DEF8: variants seen among roughly 807,000 people sequenced by gnomAD.
The protein encoded by DEF8 is DEF-8.
Under a neutral mutation model 59.1 loss-of-function variants are expected in DEF8, and 38 were observed. That is an observed-to-expected ratio of 0.64 (90% CI 0.50 to 0.84). DEF8 has a LOEUF of 0.84. Among genes scored for constraint, DEF8 ranks in the 40% least tolerant of loss-of-function variants. DEF8 has a pLI of 0.00. For synonymous variants in DEF8, 265 were observed against 250.1 expected, an observed-to-expected ratio of 1.06 and a Z score of -0.56; for missense variants, 557 against 615.2, an observed-to-expected ratio of 0.91 and a Z score of 1.00.
chr16:89,957,729 C>T (rs1466104827), intron 5 of DEF8, 69 bp downstream of exon 5: 2 of 1,450,562 alleles, frequency 1.4e-6, no homozygotes, highest in African/African-American at 2.9e-5. Context: ...CTAGGAGGAC[C>T]CTGCCAGCCT....
Position 89,954,174 on chromosome 16 carries a change from T to C in DEF8, c.-10-69T>C. 1 of 1,563,932 alleles carries C rather than the reference T, an allele frequency of 6.4e-7. No homozygotes were observed. The highest frequency in any genetic ancestry group is 1.8e-5 in the Admixed American group (1 of 56,148). On this transcript the variant is annotated intron_variant, in intron 2 of 12. Transcript: ENST00000563594. The surrounding 1 kb of genome is among the most constrained non-coding windows in gnomAD (Gnocchi z 4.3). ...CTCACCCCAGACACCCCAGTGTGGT[T>C]GGGGAAAGGGGGTGGTCCGTGGTGA...
In DEF8 at chr16:89,954,172, G is replaced by A. The variant is rs2032705736; in HGVS notation, c.-10-71G>A. 7.1e-6 allele frequency: 11 copies of A among 1,543,924 alleles called. No homozygotes were observed. Among genetic ancestry groups the A allele is most frequent in the Middle Eastern group, 2.4e-4 (1 of 4,204 alleles). On this transcript the variant is annotated intron_variant, in intron 2 of 12. Transcript: ENST00000563594. This position sits in a 1 kb window ranked among gnomAD's most constrained non-coding sequence, Gnocchi z 4.3. ...GCCTCACCCCAGACACCCCAGTGTG[G>A]TTGGGGAAAGGGGGTGGTCCGTGGT...
rs148720956 is a variant in DEF8 at position 89,954,552 on chromosome 16, C to T, written c.124+176C>T. On this transcript the variant is annotated intron_variant, in intron 3 of 12. Transcript: ENST00000563594. The surrounding 1 kb of genome is among the most constrained non-coding windows in gnomAD (Gnocchi z 4.3). ...GGTCGTGTGGTTTGTTTCTGTGTCCCCACTAGAATTCACATTCCTGAGGGC... is the reference window on the plus strand; with the variant it reads ...GGTCGTGTGGTTTGTTTCTGTGTCCTCACTAGAATTCACATTCCTGAGGGC... Among the ~76,000 whole-genome samples, 28 of 152,320 alleles carry T rather than the reference C, an allele frequency of 1.8e-4. No homozygotes were observed. In the South Asian group the frequency reaches 3.5e-3, roughly 19 times the overall value.
rs747571463 is a variant in DEF8, at chr16:89,961,024, A to T, written c.608A>T (p.Asn203Ile). 2.5e-6 allele frequency: 4 copies of T among 1,614,040 alleles called. No homozygotes were observed. The African/African-American group carries it at 5.3e-5, about 22-fold the overall frequency. The part of the protein sequence containing the change: ...KVSHQAEYEL[N>I]ICPETGLDSQ... ...AGCCACCAAGCTGAATACGAACTGA[A>T]CATCTGCCCTGAGACAGGGCTGGAC... Residue 203 changes from asparagine (N) to isoleucine (I), a missense_variant, in exon 7 of 13, where the codon AAC becomes ATC. By Grantham distance (149) the Asn-to-Ile change is moderately radical. Coordinates refer to ENST00000563594, the MANE Select transcript of DEF8 (RefSeq NM_001242818.2).
chr16:89,961,611 T>C, intron 7 of DEF8, 126 bp from the exon 8 acceptor site: 1 of 1,223,868 alleles, frequency 8.2e-7, no homozygotes, highest in Non-Finnish European at 1.2e-6. Flanking sequence ...GTCTTCCGGC[T>C]GAGGATAGGA....
At position 89,957,472 on chromosome 16, in the gene DEF8, G is replaced by A. The variant is rs773059351; in HGVS notation, c.223-39G>A. The stretch of plus-strand genomic sequence containing the variant: ...TGGGCCTTAACAGGGAGCTCCTGCA[G>A]GATGGGCCTTTGACTGCCCCCGCCC... On this transcript the variant is annotated intron_variant, in intron 4 of 12. Coordinates refer to ENST00000563594, the MANE Select transcript of DEF8 (RefSeq NM_001242818.2). 5.2e-6 allele frequency: 8 copies of A among 1,550,842 alleles called. No individual in the cohort carries two copies. The South Asian group carries it at 9.5e-5, about 18-fold the overall frequency.
intron 4 of DEF8, among the ~76,000 whole-genome samples, chr16:89,955,678 T>C (rs768997016): frequency 2.6e-5 from 4 of 152,218 alleles, no homozygotes; most frequent in African/African-American, 9.6e-5. Flanking sequence ...TGCCTCGTAC[T>C]GACCAGTCGG....
At chr16:89,955,131 G>C in intron 3 of DEF8, 38 bp from the exon 4 acceptor site, 1 of 1,518,766 alleles carries the variant, frequency 6.6e-7, no homozygotes, top group Non-Finnish European at 9.1e-7. Context: ...GCAGGAGGTA[G>C]CAGCTGACGC....
At position 89,961,868 on chromosome 16, in the gene DEF8, G is replaced by A; in HGVS notation, c.807+4G>A. ...CTGGGACTTTGAGCCTCGAAAGGTGGGGGTTGGAAGGTGGGGGCATCCCCC... is the reference window on the plus strand; with the variant it reads ...CTGGGACTTTGAGCCTCGAAAGGTGAGGGTTGGAAGGTGGGGGCATCCCCC... On this transcript the variant is annotated splice_donor_region_variant and intron_variant, in intron 8 of 12. Transcript: ENST00000563594. The A allele has an allele frequency of 2.5e-6, 4 of 1,598,702 alleles. No homozygotes were observed. Among genetic ancestry groups the A allele is most frequent in the Non-Finnish European group, 3.4e-6 (4 of 1,170,476 alleles).
Position 89,967,591 on chromosome 16 carries a change from C to G in DEF8, c.*1628C>G, listed in dbSNP as rs2034670276. On this transcript the variant is annotated 3_prime_UTR_variant, in exon 13 of 13. Coordinates refer to ENST00000563594, the MANE Select transcript of DEF8 (RefSeq NM_001242818.2). ...TGAGGTTGGATCAACAGTGTGGGTT[C>G]CTGTCCTGTTTCCCCTTCCTCTTTG... is the stretch of plus-strand genomic sequence containing the variant. The G allele has an allele frequency of 2.5e-6, 1 of 397,624 alleles. No homozygotes were observed. The highest frequency in any genetic ancestry group is 1.4e-4 in the South Asian group (1 of 7,100). 24.6% of individuals were successfully genotyped at this position (397,624 alleles called of 1,614,324 possible).
At position 89,964,150 on chromosome 16, in the gene DEF8, C is replaced by T. The variant is rs768609789; in HGVS notation, c.1003-20C>T. On this transcript the variant is annotated intron_variant, in intron 10 of 12. Transcript: ENST00000563594. ...GGGCCCTCCCCGGTGCAGGGCGTCA[C>T]GGCTGCTGGGACTTGGCAGCTCCAG... is the stretch of plus-strand genomic sequence containing the variant. The T allele has an allele frequency of 3.8e-5, 61 of 1,613,812 alleles. 1 individual carries two copies. The highest frequency in any genetic ancestry group is 2.8e-5 in the Non-Finnish European group (33 of 1,179,952).
Position 89,967,293 on chromosome 16 carries a change from C to T in DEF8, c.*1330C>T, listed in dbSNP as rs1043492899. ...TGCTTGGTTATTGGTCCCCTTTGAC[C>T]AGGAAACCCAAGAGGAGACACCTCA... is the stretch of plus-strand genomic sequence containing the variant. On this transcript the variant is annotated 3_prime_UTR_variant, in exon 13 of 13. Coordinates refer to ENST00000563594, the MANE Select transcript of DEF8 (RefSeq NM_001242818.2). 3.0e-5 allele frequency: 12 copies of T among 398,524 alleles called. No homozygotes were observed. The Admixed American group carries it at 4.0e-4, about 13-fold the overall frequency. 24.7% of individuals were successfully genotyped at this position (398,524 alleles called of 1,614,324 possible). A position where few individuals can be genotyped will look rare whatever the true frequency, so the allele number is the denominator to read the frequency against.
At chr16:89,949,352 C>A (rs1399127168) in intron 1 of DEF8, 65 bp from the exon 2 acceptor site, 8 of 1,363,562 alleles carry the variant, frequency 5.9e-6, no homozygotes, top group Admixed American at 2.2e-5. Context: ...GCCCGGGAGA[C>A]CGGGCGAGCT....
chr16:89,958,200 C>T (rs1403618413), intron 5 of DEF8, among the ~76,000 whole-genome samples: 2 of 152,210 alleles, frequency 1.3e-5, no homozygotes, highest in African/African-American at 4.8e-5. Context: ...ATGTGCCCAC[C>T]CCTGACCCAA....
At position 89,961,829 on chromosome 16, in the gene DEF8, C is replaced by G; in HGVS notation, c.772C>G (p.Arg258Gly). The G allele has an allele frequency of 6.2e-7, 1 of 1,610,626 alleles. No homozygotes were observed. The highest frequency in any genetic ancestry group is 8.5e-7 in the Non-Finnish European group (1 of 1,178,310). Residue 258 changes from arginine to glycine, a missense_variant, in exon 8 of 13, where the codon CGC (arginine) becomes GGC (glycine). Arg to Gly is a moderately radical substitution (Grantham distance 125, BLOSUM62 -2). Transcript: ENST00000563594. ...HWNDLAVIPA[R>G]VVHNWDFEPR... Reference sequence around the variant, plus strand: ...GAACGACCTGGCTGTGATCCCTGCACGCGTTGTACACAACTGGGACTTTGA... The same window carrying G: ...GAACGACCTGGCTGTGATCCCTGCAGGCGTTGTACACAACTGGGACTTTGA...
rs754137926 is a variant in DEF8, at chr16:89,949,424, C to A, written c.-100C>A. On this transcript the variant is annotated 5_prime_UTR_variant, in exon 2 of 13. Coordinates refer to ENST00000563594, the MANE Select transcript of DEF8 (RefSeq NM_001242818.2). ...GGTGGCTTCTCCCTGCAGCAGGTGC[C>A]GAACCCACGGCCAGGCTTCCGTGGC... 5 of 1,605,736 alleles carry A rather than the reference C, an allele frequency of 3.1e-6. No homozygotes were observed. Among genetic ancestry groups the A allele is most frequent in the Middle Eastern group, 4.4e-4 (2 of 4,566 alleles).
chr16:89,959,424 T>G, intron 6 of DEF8: 10 of 1,154,912 alleles, frequency 8.7e-6, no homozygotes, highest in Non-Finnish European at 1.2e-5. Context: ...CGTGTTAGGG[T>G]GGAGTGAATG....
At chr16:89,957,338 C>T (rs941929236) in intron 4 of DEF8, 173 bp from the exon 5 acceptor site, 2 of 647,680 alleles carry the variant, frequency 3.1e-6, no homozygotes. Context: ...TGGACCTTGA[C>T]CGTGCTGCCA....
chr16:89,957,339 C>T (rs1434848989), intron 4 of DEF8, 172 bp from the exon 5 acceptor site: 3 of 650,150 alleles, frequency 4.6e-6, no homozygotes, highest in Non-Finnish European at 7.6e-6. Context: ...GGACCTTGAC[C>T]GTGCTGCCAC....
Sources: gnomAD v4.1 joint callset for allele counts (sites outside exome capture counted in the v4.1 genomes callset) on GRCh38, gnomAD v4.1.1 for gene constraint, Gnocchi (gnomAD v3.1) non-coding constraint, MANE v1.5 for transcripts, NCBI Gene and HGNC (gene_info 2026-07-23, HGNC 2026-07-21) for gene names.